OPCML: variants seen among roughly 807,000 people sequenced by gnomAD.
The protein encoded by OPCML is opioid-binding protein/cell adhesion molecule.
OPCML carries 13 observed loss-of-function variants against 37.8 expected under a neutral mutation model. The ratio of observed to expected loss-of-function variants is 0.34; its 90% CI spans 0.22 to 0.55. The LOEUF (loss-of-function observed/expected upper bound fraction) is 0.55, where lower values mean the gene tolerates loss of function less well. OPCML is among the 20% of genes least tolerant of loss of function. The pLI, the probability that OPCML is intolerant of heterozygous loss-of-function variation, is 0.91. For synonymous variants in OPCML, 176 were observed against 168.8 expected, an observed-to-expected ratio of 1.04 and a Z score of -0.33; for missense variants, 341 against 435.6, an observed-to-expected ratio of 0.78 and a Z score of 1.93.
In OPCML at chr11:133,204,868, G is replaced by GTATATA. The variant is rs57658806; in HGVS notation, c.62-261864_62-261859dup. Among the ~76,000 whole-genome samples the GTATATA allele has an allele frequency of 9.9e-3, 1,154 of 116,374 alleles. 24 individuals carry two copies. Among genetic ancestry groups the GTATATA allele is most frequent in the East Asian group, 0.038 (61 of 1,610 alleles). The allele number at this position is 116,374 out of a possible 152,430, so 76.3% of individuals were successfully genotyped here. The stretch of plus-strand genomic sequence containing the variant: ...TGATCTATTATATATATATATATGT[G>GTATATA]TATATATATATATATATATATATAT... On this transcript the variant is annotated intron_variant, in intron 1 of 7. Coordinates refer to ENST00000524381, the MANE Select transcript of OPCML (RefSeq NM_001012393.5).
chr11:133,319,561 C>T (rs1200834165), intron 1 of OPCML, among the ~76,000 whole-genome samples: 1 of 152,220 alleles, frequency 6.6e-6, no homozygotes, highest in African/African-American at 2.4e-5. Flanking sequence ...AATTCCAACA[C>T]TTCTGGATCC....
At position 132,646,090 on chromosome 11, in the gene OPCML, G is replaced by A. The variant is rs549985273; in HGVS notation, c.379+10997C>T. ...GAAATAAGAGTGGAAAGGGTGGGAG[G>A]GGGGTGAGGGATAAAAGACTACAAA... is the stretch of plus-strand genomic sequence containing the variant. On this transcript the variant is annotated intron_variant, in intron 3 of 7. Transcript: ENST00000524381. Among the ~76,000 whole-genome samples, 3 of 152,114 alleles carry A rather than the reference G, an allele frequency of 2.0e-5. No homozygotes were observed. The South Asian group carries it at 6.3e-4, about 32-fold the overall frequency.
chr11:133,182,305 T>C (rs935289266), intron 1 of OPCML, among the ~76,000 whole-genome samples: 16 of 152,214 alleles, frequency 1.1e-4, no homozygotes, highest in African/African-American at 3.9e-4. Context: ...ATTGATTTCT[T>C]ATTATTTTGG....
At chr11:132,887,939 C>A (rs1943486779) in intron 2 of OPCML, among the ~76,000 whole-genome samples, 1 of 152,164 alleles carries the variant, frequency 6.6e-6, no homozygotes, top group South Asian at 2.1e-4. Flanking sequence ...TGAGGCCAGG[C>A]CAAGGGCTGG....
intron 4 of OPCML, among the ~76,000 whole-genome samples, chr11:132,473,004 A>T (rs1303117142): frequency 6.6e-6 from 1 of 152,228 alleles, no homozygotes; most frequent in Non-Finnish European, 1.5e-5. Context: ...ACTGCAAACT[A>T]GCGAGCCAGC....
chr11:133,106,180 C>T (rs975811903), intron 1 of OPCML, among the ~76,000 whole-genome samples: 3 of 152,168 alleles, frequency 2.0e-5, no homozygotes, highest in African/African-American at 7.2e-5. Flanking sequence ...TATACCCTCT[C>T]ACCCATTTAA....
At chr11:133,045,817 T>C (rs564296803) in intron 1 of OPCML, among the ~76,000 whole-genome samples, 4 of 152,344 alleles carry the variant, frequency 2.6e-5, no homozygotes, top group Admixed American at 2.6e-4. Context: ...TTCATAATGG[T>C]TAGACAGCCT....
At position 133,116,175 on chromosome 11, in the gene OPCML, GCCAGTC is replaced by G. The variant is rs1207256945; in HGVS notation, c.62-173171_62-173166del. On this transcript the variant is annotated intron_variant, in intron 1 of 7. Transcript: ENST00000524381. ...GTAGAGACAGGGTTTCACCCTCTTG[GCCAGTC>G]TGGTCTTGAACTCCTGACATTGTGA... is the stretch of plus-strand genomic sequence containing the variant. Among the ~76,000 whole-genome samples the G allele has an allele frequency of 1.6e-4, 25 of 152,178 alleles. 1 individual carries two copies. The South Asian group carries it at 5.2e-3, about 32-fold the overall frequency.
intron 2 of OPCML, among the ~76,000 whole-genome samples, chr11:132,782,470 C>T (rs1047801685): frequency 1.6e-4 from 24 of 152,160 alleles, no homozygotes; most frequent in African/African-American, 5.5e-4. Context: ...ATGAGAGTGG[C>T]CTTGGCCAAA....
chr11:133,016,419 G>A (rs10750522), intron 1 of OPCML, among the ~76,000 whole-genome samples: 100,743 of 152,000 alleles, frequency 0.66, 33,949 homozygotes, highest in East Asian at 0.8. Context: ...GGCTCCCTTC[G>A]TCTTCAAAGC....
chr11:133,008,252 A>G (rs1947149848), intron 1 of OPCML: 1 of 985,310 alleles, frequency 1.0e-6, no homozygotes, highest in African/African-American at 1.7e-5. Context: ...TTAGTAGAGC[A>G]AGAAATTGGG....
chr11:132,904,370 A>G (rs1213520183), intron 2 of OPCML, among the ~76,000 whole-genome samples: 1 of 152,034 alleles, frequency 6.6e-6, no homozygotes, highest in African/African-American at 2.4e-5. Flanking sequence ...AATCTAAATA[A>G]CAACAGCAGC....
chr11:133,040,897 G>A lies in OPCML; in HGVS notation c.62-97887C>T, dbSNP rs1372479937. Among the ~76,000 whole-genome samples, 5 of 152,240 alleles carry A rather than the reference G, an allele frequency of 3.3e-5. No homozygotes were observed. The East Asian group carries it at 9.7e-4, about 29-fold the overall frequency. On this transcript the variant is annotated intron_variant, in intron 1 of 7. Coordinates refer to ENST00000524381, the MANE Select transcript of OPCML (RefSeq NM_001012393.5). ...CAGTTTAAAAGCAACGATACCTGTA[G>A]ATTTCATAATACAAAGAGCTGAATG...
intron 1 of OPCML, among the ~76,000 whole-genome samples, chr11:133,269,354 G>T (rs902021007): frequency 6.6e-6 from 1 of 152,080 alleles, no homozygotes; most frequent in Non-Finnish European, 1.5e-5. Context: ...GACTGAACAG[G>T]GAGAAGGGAC....
intron 1 of OPCML, among the ~76,000 whole-genome samples, chr11:133,382,089 G>C (rs751564459): frequency 6.6e-6 from 1 of 152,204 alleles, no homozygotes; most frequent in Non-Finnish European, 1.5e-5. Context: ...TTTGCCTCCA[G>C]CTGCCAACTT....
rs1030500483 is a variant in OPCML at position 132,420,285 on chromosome 11, C to T, written c.925G>A (p.Ala309Thr). ...NASITLYGPG[A>T]VIDGVNSASR... is the part of the protein sequence containing the mutation. ...GCCGAGTTTACACCATCAATGACTGCTCCAGGCCCTGTGTAGGGGAGAGAG... is the reference window on the plus strand; with the variant it reads ...GCCGAGTTTACACCATCAATGACTGTTCCAGGCCCTGTGTAGGGGAGAGAG... Residue 309 changes from alanine (A) to threonine (T), a missense_variant, in exon 8 of 8, where the codon GCA becomes ACA. Ala to Thr is a moderately conservative substitution (Grantham distance 58). Transcript: ENST00000524381. 8 of 1,613,746 alleles carry T rather than the reference C, an allele frequency of 5.0e-6. No homozygotes were observed. Among genetic ancestry groups the T allele is most frequent in the South Asian group, 1.1e-5 (1 of 91,064 alleles).
chr11:132,682,699 A>G (rs1466047546), intron 2 of OPCML, among the ~76,000 whole-genome samples: 1 of 152,222 alleles, frequency 6.6e-6, no homozygotes, highest in Non-Finnish European at 1.5e-5. Context: ...GAGAGAACGG[A>G]GGACCGAGAC....
At chr11:132,927,386 G>C (rs1945031142) in intron 2 of OPCML, among the ~76,000 whole-genome samples, 1 of 152,012 alleles carries the variant, frequency 6.6e-6, no homozygotes, top group African/African-American at 2.4e-5. Flanking sequence ...AGAAGGCGGT[G>C]GATTTTATAC....
At chr11:133,097,372 T>C (rs532985157) in intron 1 of OPCML, among the ~76,000 whole-genome samples, 1 of 152,270 alleles carries the variant, frequency 6.6e-6, no homozygotes, top group Admixed American at 6.5e-5. Context: ...ACTTATCACA[T>C]GCGTGTGATG....
Sources: gnomAD v4.1 joint callset for allele counts (sites outside exome capture counted in the v4.1 genomes callset) on GRCh38, gnomAD v4.1.1 for gene constraint, MANE v1.5 for transcripts, NCBI Gene and HGNC (gene_info 2026-07-23, HGNC 2026-07-21) for gene names.